Variants in KATNIP observed in about 807,000 individuals in gnomAD.
The protein encoded by KATNIP is katanin interacting protein, also known as katanin-interacting protein.
KATNIP carries 126 observed loss-of-function variants against 174.0 expected under a neutral mutation model. That is an observed-to-expected ratio of 0.72 (90% CI 0.63 to 0.84). KATNIP has a LOEUF of 0.84. Among genes scored for constraint, KATNIP ranks in the 40% least tolerant of loss-of-function variants. KATNIP has a pLI of 0.00. For synonymous variants in KATNIP, 810 were observed against 835.7 expected (o/e 0.97, Z 0.53); for missense variants, 1,958 against 2,109.7 (o/e 0.93, Z 1.41).
At chr16:27,598,098 G>A (rs570960155) in intron 2 of KATNIP, among the ~76,000 whole-genome samples, 23 of 152,234 alleles carry the variant, frequency 1.5e-4, no homozygotes, top group African/African-American at 4.6e-4. Flanking sequence ...GCGTGGTGGC[G>A]TATGCCTGTT....
chr16:27,688,156 C>T (rs1487701770), intron 8 of KATNIP, among the ~76,000 whole-genome samples: 1 of 152,164 alleles, frequency 6.6e-6, no homozygotes, highest in African/African-American at 2.4e-5. Context: ...GATTGTTGGC[C>T]AAGCATGGTG....
At chr16:27,630,950 A>C in intron 4 of KATNIP, 115 bp from the exon 5 acceptor site, 1 of 757,950 alleles carries the variant, frequency 1.3e-6, no homozygotes, top group Admixed American at 2.1e-5. Flanking sequence ...ATGTCCTCAT[A>C]CACAAGACTT....
intron 3 of KATNIP, among the ~76,000 whole-genome samples, chr16:27,620,551 A>AG (rs1380389834): frequency 6.6e-6 from 1 of 152,078 alleles, no homozygotes; most frequent in East Asian, 1.9e-4. Flanking sequence ...AATCAAGAGG[A>AG]GAAAAAAAAA....
chr16:27,749,765 C>A lies in KATNIP; in HGVS notation c.2805C>A (p.His935Gln). The A allele has an allele frequency of 6.2e-7, 1 of 1,610,372 alleles. No individual in the cohort carries two copies. Among genetic ancestry groups the A allele is most frequent in the Non-Finnish European group, 8.5e-7 (1 of 1,177,946 alleles). The change falls in exon 16 of 28, where the codon CAC (histidine) becomes CAA (glutamine). Residue 935 changes from histidine to glutamine, a missense_variant. Around this residue, in one of 3 missense-constraint regions of KATNIP, gnomAD observed 1,557 missense variants for 1,617.8 expected, o/e 0.96. Coordinates refer to ENST00000261588, the MANE Select transcript of KATNIP (RefSeq NM_015202.5). Reference protein sequence around the residue: ...DELLQQKSSRHSDLPPSKKGE... With the variant: ...DELLQQKSSRQSDLPPSKKGE... ...TCCTGCAGCAAAAGAGCAGCCGGCACAGCGACTTGCCCCCCTCCAAGAAGG... is the reference window on the plus strand; with the variant it reads ...TCCTGCAGCAAAAGAGCAGCCGGCAAAGCGACTTGCCCCCCTCCAAGAAGG...
At chr16:27,668,542 G>A (rs189760423) in intron 6 of KATNIP, among the ~76,000 whole-genome samples, 109 of 152,196 alleles carry the variant, frequency 7.2e-4, no homozygotes, top group Non-Finnish European at 1.0e-3. Context: ...CTTCCCAGTC[G>A]TGGGTGCGTC....
intron 2 of KATNIP, among the ~76,000 whole-genome samples, chr16:27,578,945 C>T (rs896935962): frequency 6.6e-6 from 1 of 152,124 alleles, no homozygotes; most frequent in Non-Finnish European, 1.5e-5. Flanking sequence ...AATTTCAGTT[C>T]AGCTGGTAAA....
At chr16:27,741,425 G>A (rs1039972652) in intron 15 of KATNIP, among the ~76,000 whole-genome samples, 3 of 151,940 alleles carry the variant, frequency 2.0e-5, no homozygotes, top group Non-Finnish European at 4.4e-5. Context: ...GTGACACAGC[G>A]AGACTCTGTC....
At chr16:27,701,321 CCAGTGAAG>C (rs1179981324) in intron 10 of KATNIP, 6 of 327,672 alleles carry the variant, frequency 1.8e-5, no homozygotes, top group Non-Finnish European at 3.5e-5. Context: ...TTGCGTCTGG[CCAGTGAAG>C]CATTTTGATA....
chr16:27,581,962 C>G (rs1216621069), intron 2 of KATNIP, among the ~76,000 whole-genome samples: 1 of 152,174 alleles, frequency 6.6e-6, no homozygotes, highest in Non-Finnish European at 1.5e-5. Flanking sequence ...ATCATATATA[C>G]ATACCACAGT....
In KATNIP at chr16:27,628,733, C is replaced by G. The variant is rs762842250; in HGVS notation, c.213C>G (p.Val71=). 21 of 1,614,218 alleles carry G rather than the reference C, an allele frequency of 1.3e-5. No individual in the cohort carries two copies. Among genetic ancestry groups the G allele is most frequent in the Non-Finnish European group, 8.5e-7 (1 of 1,180,034 alleles). The part of the protein sequence containing the change: ...RLEHLEQGFS[V]YVNGANSELK... ...AGCACTTGGAGCAAGGTTTCTCTGT[C>G]TATGTCAACGGTGCCAATTCGGAGC... is the stretch of plus-strand genomic sequence containing the variant. The change falls in exon 4 of 28, where the codon GTC becomes GTG. Residue 71 remains valine, a synonymous_variant. Coordinates refer to ENST00000261588, the MANE Select transcript of KATNIP (RefSeq NM_015202.5).
intron 27 of KATNIP, 24 bp from the exon 28 acceptor site, chr16:27,778,550 T>C (rs1373669397): frequency 6.2e-7 from 1 of 1,611,832 alleles, no homozygotes; most frequent in African/African-American, 1.3e-5. Flanking sequence ...GTAACTCTGG[T>C]CCCTCTGTTC....
chr16:27,727,011 G>T (rs1261530258), intron 14 of KATNIP, among the ~76,000 whole-genome samples: 1 of 152,232 alleles, frequency 6.6e-6, no homozygotes, highest in Middle Eastern at 3.2e-3. Flanking sequence ...CCTGGGGCAG[G>T]TTACATCACA....
Position 27,751,743 on chromosome 16 carries a change from T to A in KATNIP, c.3371T>A (p.Ile1124Asn). 6.2e-7 allele frequency: 1 copy of A among 1,614,214 alleles called. No individual in the cohort carries two copies. Among genetic ancestry groups the A allele is most frequent in the Non-Finnish European group, 8.5e-7 (1 of 1,180,038 alleles). ...AGAPEHFGDT[I>N]LFTTDDDILE... Reference sequence around the variant, plus strand: ...GCCCCAGAGCACTTTGGAGACACGATCTTATTCACAACCGATGATGACATT... The same window carrying A: ...GCCCCAGAGCACTTTGGAGACACGAACTTATTCACAACCGATGATGACATT... The change falls in exon 17 of 28, where the codon ATC (isoleucine) becomes AAC (asparagine). Residue 1124 changes from isoleucine (I) to asparagine (N), a missense_variant. This residue lies in a region of KATNIP where 1,557 missense variants were observed against 1,617.8 expected (regional missense o/e 0.96). Transcript: ENST00000261588.
At chr16:27,598,262 T>C in intron 2 of KATNIP, among the ~76,000 whole-genome samples, 1 of 149,102 alleles carries the variant, frequency 6.7e-6, no homozygotes, top group Non-Finnish European at 1.5e-5. Flanking sequence ...AAAAAGAATG[T>C]GCATTTGGAG....
At chr16:27,682,795 T>C (rs28613850) in intron 8 of KATNIP, among the ~76,000 whole-genome samples, 26,754 of 152,014 alleles carry the variant, frequency 0.18, 2,627 homozygotes, top group African/African-American at 0.26. Context: ...CCCTTTAAGA[T>C]GTGAAGAGGT....
chr16:27,563,670 A>G (rs2089973933), intron 1 of KATNIP, among the ~76,000 whole-genome samples: 1 of 152,080 alleles, frequency 6.6e-6, no homozygotes, highest in African/African-American at 2.4e-5. Flanking sequence ...AAGTTCAGGC[A>G]GGCAAGTGGT....
At chr16:27,717,173 T>C (rs2079991402) in intron 13 of KATNIP, among the ~76,000 whole-genome samples, 2 of 152,252 alleles carry the variant, frequency 1.3e-5, no homozygotes, top group African/African-American at 2.4e-5. Context: ...ATTACCAGAG[T>C]TGGTAACCTT....
intron 1 of KATNIP, among the ~76,000 whole-genome samples, chr16:27,567,392 G>A (rs1399568289): frequency 6.6e-6 from 1 of 152,176 alleles, no homozygotes; most frequent in Non-Finnish European, 1.5e-5. Context: ...ACTTTGGGAG[G>A]CTGAGGCAAG....
chr16:27,737,619 A>C (rs2080946428), intron 14 of KATNIP, among the ~76,000 whole-genome samples: 1 of 152,104 alleles, frequency 6.6e-6, no homozygotes, highest in African/African-American at 2.4e-5. Flanking sequence ...GCCGAAGAAA[A>C]GGAAGCAACC....
Sources: allele counts gnomAD v4.1 joint callset (sites outside exome capture counted in the v4.1 genomes callset), GRCh38; gene constraint gnomAD v4.1.1; regional missense constraint gnomAD v4.1.1; transcripts MANE v1.5; gene names NCBI Gene and HGNC (gene_info 2026-07-23, HGNC 2026-07-21).